The following FBXW2 variants were observed in gnomAD, a reference collection of about 807,000 sequenced individuals.
FBXW2 encodes F-box/WD repeat-containing protein 2.
In FBXW2, 12 loss-of-function variants were observed where a neutral mutation model predicts 46.0. The ratio of observed to expected loss-of-function variants is 0.26; its 90% CI spans 0.17 to 0.42. The LOEUF (loss-of-function observed/expected upper bound fraction) is 0.42. Ranked by LOEUF, FBXW2 falls within the 10% of genes least tolerant of loss-of-function variation. The pLI is 1.00. For missense variants in FBXW2, 360 were observed against 537.0 expected (o/e 0.67, Z 3.26); for synonymous variants, 203 against 209.6 (o/e 0.97, Z 0.27).
chr9:120,780,139 G>GA (rs1158936856), intron 3 of FBXW2, among the ~76,000 whole-genome samples: 584 of 94,728 alleles, frequency 6.2e-3, no homozygotes, highest in African/African-American at 0.016. Flanking sequence ...CCACCTCAAA[G>GA]AAAAAAAAAA....
intron 3 of FBXW2, among the ~76,000 whole-genome samples, chr9:120,783,056 A>G (rs1159545872): frequency 6.6e-6 from 1 of 152,180 alleles, no homozygotes. Flanking sequence ...TATGCTTTAA[A>G]ATGATTAAAA....
At position 120,758,951 on chromosome 9, in the gene FBXW2, C is replaced by G. The variant is rs1027538707; in HGVS notation, c.*5608G>C. 6.6e-6 allele frequency: 1 copy of G among 152,134 alleles called. No homozygotes were observed. The highest frequency in any genetic ancestry group is 2.4e-5 in the African/African-American group (1 of 41,410). The allele number at this position is 152,134 out of a possible 1,614,324, so 9.4% of individuals were successfully genotyped here. A position where few individuals can be genotyped will look rare whatever the true frequency, so the allele number is the denominator to read the frequency against. The stretch of plus-strand genomic sequence containing the variant: ...ATTTGCAACTATTCATGAAATTCAC[C>G]AAAATTATTTCCTTGTGTTTTACCT... On this transcript the variant is annotated 3_prime_UTR_variant, in exon 8 of 8. Coordinates refer to ENST00000608872, the MANE Select transcript of FBXW2 (RefSeq NM_012164.4).
intron 7 of FBXW2, among the ~76,000 whole-genome samples, chr9:120,767,611 G>A (rs948621972): frequency 6.6e-6 from 1 of 152,138 alleles, no homozygotes; most frequent in Non-Finnish European, 1.5e-5. Context: ...TATTTACTAA[G>A]AGCCTAAAGT....
At position 120,758,146 on chromosome 9, in the gene FBXW2, G is replaced by A. The variant is rs2044149326; in HGVS notation, c.*6413C>T. On this transcript the variant is annotated 3_prime_UTR_variant, in exon 8 of 8. Coordinates refer to ENST00000608872, the MANE Select transcript of FBXW2 (RefSeq NM_012164.4). ...TGCAAAAGGTACAACAGTATTTATT[G>A]CTAAATGAACTGCACCACTAACCTT... 1 of 152,192 alleles carries A rather than the reference G, an allele frequency of 6.6e-6. No individual in the cohort carries two copies. Among genetic ancestry groups the A allele is most frequent in the Non-Finnish European group, 1.5e-5 (1 of 68,042 alleles). 9.4% of individuals were successfully genotyped at this position (152,192 alleles called of 1,614,324 possible).
intron 4 of FBXW2, among the ~76,000 whole-genome samples, chr9:120,777,510 C>G (rs1011768337): frequency 5.3e-5 from 8 of 152,086 alleles, no homozygotes; most frequent in Admixed American, 2.0e-4. Context: ...GATGAGCGGT[C>G]TACAGTAATA....
intron 3 of FBXW2, among the ~76,000 whole-genome samples, chr9:120,779,793 T>C (rs1160157638): frequency 6.6e-6 from 1 of 152,186 alleles, no homozygotes; most frequent in Non-Finnish European, 1.5e-5. Context: ...AGAACGGTGC[T>C]ATCCAACAGA....
rs2044490159 is a variant in FBXW2 at position 120,776,111 on chromosome 9, G to A, written c.801C>T (p.His267=). ...AGTCLNTLTG[H]TEWVTKVVLQ... ...TTCCTACCTTGGTGACCCATTCCGTGTGCCCGGTGAGTGTGTTCAGGCATG... is the reference window on the plus strand; with the variant it reads ...TTCCTACCTTGGTGACCCATTCCGTATGCCCGGTGAGTGTGTTCAGGCATG... Residue 267 remains histidine (H), a synonymous_variant, in exon 5 of 8, where the codon CAC becomes CAT. Coordinates refer to ENST00000608872, the MANE Select transcript of FBXW2 (RefSeq NM_012164.4). The A allele has an allele frequency of 6.2e-7, 1 of 1,613,764 alleles. No individual in the cohort carries two copies. Among genetic ancestry groups the A allele is most frequent in the South Asian group, 1.1e-5 (1 of 91,062 alleles).
rs1050476237 is a variant in FBXW2, at chr9:120,793,368, G to T, written c.-144C>A. 2 of 400,660 alleles carry T rather than the reference G, an allele frequency of 5.0e-6. No individual in the cohort carries two copies. The highest frequency in any genetic ancestry group is 8.8e-6 in the Non-Finnish European group (2 of 227,430). 24.8% of individuals were successfully genotyped at this position (400,660 alleles called of 1,614,324 possible). A position where few individuals can be genotyped will look rare whatever the true frequency, so the allele number is the denominator to read the frequency against. On this transcript the variant is annotated 5_prime_UTR_variant, in exon 1 of 8. Transcript: ENST00000608872. ...CGCATACAGACCCGGACCTGCGGCC[G>T]CTGCTCCCGGTCCGCAGCCTCACAG...
chr9:120,774,948 T>C (rs2044460746), intron 5 of FBXW2, among the ~76,000 whole-genome samples: 2 of 152,230 alleles, frequency 1.3e-5, no homozygotes, highest in Admixed American at 6.5e-5. Flanking sequence ...CCCGTGCATG[T>C]ATTGCACCCT....
Position 120,793,370 on chromosome 9 carries a change from T to TGCTCCCGGTCCGCA in FBXW2, c.-160_-147dup. On this transcript the variant is annotated 5_prime_UTR_variant, in exon 1 of 8. Transcript: ENST00000608872. ...CATACAGACCCGGACCTGCGGCCGC[T>TGCTCCCGGTCCGCA]GCTCCCGGTCCGCAGCCTCACAGGG... The TGCTCCCGGTCCGCA allele has an allele frequency of 2.5e-6, 1 of 400,732 alleles. No individual in the cohort carries two copies. Among genetic ancestry groups the TGCTCCCGGTCCGCA allele is most frequent in the East Asian group, 3.6e-5 (1 of 28,058 alleles). 24.8% of individuals were successfully genotyped at this position (400,732 alleles called of 1,614,324 possible).
intron 6 of FBXW2, among the ~76,000 whole-genome samples, chr9:120,772,118 C>T (rs199519263): frequency 6.9e-6 from 1 of 144,466 alleles, no homozygotes; most frequent in Admixed American, 7.0e-5. Flanking sequence ...ACTTTGTGAA[C>T]TCTTTGCAAT....
intron 7 of FBXW2, among the ~76,000 whole-genome samples, chr9:120,767,144 G>A (rs1012458109): frequency 6.6e-6 from 1 of 152,130 alleles, no homozygotes; most frequent in African/African-American, 2.4e-5. Flanking sequence ...AATACGGAAA[G>A]CCTGTCTAAA....
At chr9:120,776,316 T>C (rs1588036598) in intron 4 of FBXW2, 90 bp from the exon 5 acceptor site, 1 of 1,437,386 alleles carries the variant, frequency 7.0e-7, no homozygotes, top group South Asian at 1.4e-5. Flanking sequence ...TCCCCAATTA[T>C]ATAATTTCCC....
chr9:120,768,344 T>C (rs748924613), intron 7 of FBXW2, among the ~76,000 whole-genome samples: 1 of 152,236 alleles, frequency 6.6e-6, no homozygotes. Context: ...TGTTTGCAAT[T>C]AGCTGTTTAA....
chr9:120,782,866 C>T (rs946024406), intron 3 of FBXW2, among the ~76,000 whole-genome samples: 1 of 151,858 alleles, frequency 6.6e-6, no homozygotes, highest in African/African-American at 2.4e-5. Flanking sequence ...AAAACCCCCC[C>T]AAAAACAAAC....
At chr9:120,766,672 C>T (rs746932860) in intron 7 of FBXW2, among the ~76,000 whole-genome samples, 35 of 152,088 alleles carry the variant, frequency 2.3e-4, no homozygotes, top group Admixed American at 9.2e-4. Context: ...ACCATGTTGG[C>T]GAGATGGTCT....
rs1466883483 is a variant in FBXW2 at position 120,764,451 on chromosome 9, A to G, written c.*108T>C. 1 of 1,243,420 alleles carries G rather than the reference A, an allele frequency of 8.0e-7. No homozygotes were observed. The highest frequency in any genetic ancestry group is 1.5e-5 in the African/African-American group (1 of 66,494). 77.0% of individuals were successfully genotyped at this position (1,243,420 alleles called of 1,614,324 possible). A position where few individuals can be genotyped will look rare whatever the true frequency, so the allele number is the denominator to read the frequency against. On this transcript the variant is annotated 3_prime_UTR_variant, in exon 8 of 8. Coordinates refer to ENST00000608872, the MANE Select transcript of FBXW2 (RefSeq NM_012164.4). ...ATAAATGATTGTGCACTGCGTGATG[A>G]TACCATTAGGTGAGAACTTTGGTTC... is the stretch of plus-strand genomic sequence containing the variant.
chr9:120,764,836 G>A lies in FBXW2; in HGVS notation c.1088C>T (p.Thr363Ile). Residue 363 changes from threonine (T) to isoleucine (I), a missense_variant, in exon 8 of 8, where the codon ACT (threonine) becomes ATT (isoleucine). Coordinates refer to ENST00000608872, the MANE Select transcript of FBXW2 (RefSeq NM_012164.4). The part of the protein sequence containing the change: ...ASYDILRVIK[T>I]PEIANLALLG... ...CAAGGCCAAGTTTGCTATCTCAGGAGTCTTGATGACCCTACAAGGATGAGA... is the reference window on the plus strand; with the variant it reads ...CAAGGCCAAGTTTGCTATCTCAGGAATCTTGATGACCCTACAAGGATGAGA... 6.3e-7 allele frequency: 1 copy of A among 1,585,242 alleles called. No individual in the cohort carries two copies. Among genetic ancestry groups the A allele is most frequent in the Non-Finnish European group, 8.6e-7 (1 of 1,163,664 alleles).
At position 120,763,192 on chromosome 9, in the gene FBXW2, A is replaced by G. The variant is rs1588020653; in HGVS notation, c.*1367T>C. 6.6e-6 allele frequency: 1 copy of G among 152,196 alleles called. No individual in the cohort carries two copies. The highest frequency in any genetic ancestry group is 1.5e-5 in the Non-Finnish European group (1 of 68,034). The allele number at this position is 152,196 out of a possible 1,614,324, so 9.4% of individuals were successfully genotyped here. ...CCTGGGCTTGCTTCTCCTAATGACA[A>G]AACAGAGCTGAATAACTGCCCTATT... is the stretch of plus-strand genomic sequence containing the variant. On this transcript the variant is annotated 3_prime_UTR_variant, in exon 8 of 8. Transcript: ENST00000608872.
Sources: allele counts gnomAD v4.1 joint callset (sites outside exome capture counted in the v4.1 genomes callset), GRCh38; gene constraint gnomAD v4.1.1; transcripts MANE v1.5; gene names NCBI Gene and HGNC (gene_info 2026-07-23, HGNC 2026-07-21).